The following ZNF76 variants were observed in gnomAD, a reference collection of about 807,000 sequenced individuals.
The protein encoded by ZNF76 is zinc finger protein 76, also known as zinc finger protein 523.
A neutral mutation model predicts 66.9 loss-of-function variants in ZNF76; 66 were observed. The observed-to-expected ratio is 0.99, with a 90% CI of 0.81 to 1.21. The LOEUF (loss-of-function observed/expected upper bound fraction) is 1.21, where lower values mean the gene tolerates loss of function less well. ZNF76 is among the 50% of genes most tolerant of loss of function. The pLI is 0.00. For missense variants in ZNF76, 729 were observed against 760.3 expected (o/e 0.96, Z 0.48); for synonymous variants, 275 against 296.1 (o/e 0.93, Z 0.73).
intron 1 of ZNF76, among the ~76,000 whole-genome samples, chr6:35,261,516 T>C (rs1283854992): frequency 4.5e-5 from 1 of 22,064 alleles, no homozygotes; most frequent in Non-Finnish European, 4.2e-4. Context: ...TATTTTTGTT[T>C]GGTTGGTTGG....
In ZNF76 at chr6:35,292,953, A is replaced by C. The variant is rs1179854847; in HGVS notation, c.1238A>C (p.Glu413Ala). 2 of 1,614,220 alleles carry C rather than the reference A, an allele frequency of 1.2e-6. No homozygotes were observed. The highest frequency in any genetic ancestry group is 3.3e-5 in the Admixed American group (2 of 60,028). Residue 413 changes from glutamate to alanine, a missense_variant, in exon 11 of 14, where the codon GAG (glutamate) becomes GCG (alanine). Glu to Ala is a moderately radical substitution (Grantham distance 107, BLOSUM62 -1). Transcript: ENST00000373953. The surrounding 1 kb of genome is among the most constrained non-coding windows in gnomAD (Gnocchi z 4.7). ...GCTTACCTTTCGGAGGTGAAGGAAG[A>C]GAGAGATGACATCCCAGCCCAGGTG... ...RIAYLSEVKE[E>A]RDDIPAQVAM...
chr6:35,272,664 G>A (rs2150348499), intron 1 of ZNF76, among the ~76,000 whole-genome samples: 1 of 152,276 alleles, frequency 6.6e-6, no homozygotes, highest in South Asian at 2.1e-4. Flanking sequence ...TTTGAGACAG[G>A]GTCTTGCTTT....
At position 35,286,163 on chromosome 6, in the gene ZNF76, G is replaced by A. The variant is rs762342604; in HGVS notation, c.109G>A (p.Glu37Lys). The stretch of plus-strand genomic sequence containing the variant: ...TCTTGAAGGGCAGGTGATCCAGCTC[G>A]AGGATGGGACCACCGCATACATTCA... ...KLLEGQVIQLEDGTTAYIHQV... is the reference protein window; with the variant it reads ...KLLEGQVIQLKDGTTAYIHQV... The change falls in exon 3 of 14, where the codon GAG becomes AAG. Residue 37 changes from glutamate to lysine, a missense_variant. By Grantham distance (56) the Glu-to-Lys change is moderately conservative. Transcript: ENST00000373953. 9.3e-6 allele frequency: 15 copies of A among 1,614,170 alleles called. No homozygotes were observed. Among genetic ancestry groups the A allele is most frequent in the Non-Finnish European group, 1.1e-5 (13 of 1,180,042 alleles).
rs1790789788 is a variant in ZNF76, at chr6:35,293,845, A to G, written c.1424A>G (p.Asp475Gly). Residue 475 changes from aspartate to glycine, a missense_variant, in exon 12 of 14, where the codon GAT (aspartate) becomes GGT (glycine). Asp to Gly is a moderately conservative substitution (Grantham distance 94). Transcript: ENST00000373953. The part of the protein sequence containing the change: ...GSTTLTIPSP[D>G]ADLATSGTHT... ...ACCACCCTCACCATCCCCAGTCCTG[A>G]TGCCGACCTGGCCACATCTGGCACA... The G allele has an allele frequency of 2.5e-6, 4 of 1,614,142 alleles. No individual in the cohort carries two copies. The highest frequency in any genetic ancestry group is 3.4e-6 in the Non-Finnish European group (4 of 1,180,026).
chr6:35,267,206 T>C (rs1015154969), intron 1 of ZNF76, among the ~76,000 whole-genome samples: 1 of 152,060 alleles, frequency 6.6e-6, no homozygotes. Flanking sequence ...CAATCAGTCC[T>C]CCCATGTCAG....
intron 1 of ZNF76, among the ~76,000 whole-genome samples, chr6:35,262,354 A>G (rs2150333184): frequency 6.6e-6 from 1 of 152,330 alleles, no homozygotes; most frequent in East Asian, 1.9e-4. Context: ...AGAGAAAGTG[A>G]GAGTGACCTT....
chr6:35,293,103 G>C, intron 11 of ZNF76, 59 bp downstream of exon 11: 1 of 1,564,180 alleles, frequency 6.4e-7, no homozygotes, highest in Non-Finnish European at 8.6e-7. Flanking sequence ...TCTCTCTGGG[G>C]ACTCTGGGAG....
At chr6:35,261,485 A>G (rs1785247227) in intron 1 of ZNF76, among the ~76,000 whole-genome samples, 1 of 148,144 alleles carries the variant, frequency 6.8e-6, no homozygotes, top group Non-Finnish European at 1.5e-5. Context: ...TTATTATTAT[A>G]TCCACCATTT....
Position 35,267,822 on chromosome 6 carries a change from G to A in ZNF76, c.-97+7981G>A, listed in dbSNP as rs117754893. 7.8e-4 allele frequency among the ~76,000 whole-genome samples: 119 copies of A among 152,320 alleles called. 1 individual carries two copies. In the East Asian group the frequency reaches 0.014, roughly 18 times the overall value. On this transcript the variant is annotated intron_variant, in intron 1 of 13. Transcript: ENST00000373953. ...AAAGATGAGGCAAGATGGTAATCCC[G>A]ATGAGGGAAAAGTCATCCACTTAGC...
At chr6:35,275,967 T>A (rs988812128) in intron 1 of ZNF76, among the ~76,000 whole-genome samples, 2 of 152,158 alleles carry the variant, frequency 1.3e-5, no homozygotes. Flanking sequence ...GCGCCAGATA[T>A]TGAGAAGTAT....
At position 35,292,470 on chromosome 6, in the gene ZNF76, C is replaced by T. The variant is rs1454583249; in HGVS notation, c.932-84C>T. 6.8e-7 allele frequency: 1 copy of T among 1,460,602 alleles called. No homozygotes were observed. The highest frequency in any genetic ancestry group is 9.5e-7 in the Non-Finnish European group (1 of 1,055,394). 90.5% of individuals were successfully genotyped at this position (1,460,602 alleles called of 1,614,324 possible). On this transcript the variant is annotated intron_variant, in intron 9 of 13. Transcript: ENST00000373953. This position sits in a 1 kb window ranked among gnomAD's most constrained non-coding sequence, Gnocchi z 4.7. Reference sequence around the variant, plus strand: ...CTCCCTCCCTCTGGCTCTCCCTTCACCAACCCTGTCCCTCACCCCTGTCCC... The same window carrying T: ...CTCCCTCCCTCTGGCTCTCCCTTCATCAACCCTGTCCCTCACCCCTGTCCC...
At chr6:35,273,074 TGAACCCAG>T (rs1324728990) in intron 1 of ZNF76, among the ~76,000 whole-genome samples, 1 of 151,668 alleles carries the variant, frequency 6.6e-6, no homozygotes, top group Non-Finnish European at 1.5e-5. Flanking sequence ...GAGAATCGCT[TGAACCCAG>T]GAAGTGGAGG....
intron 1 of ZNF76, among the ~76,000 whole-genome samples, chr6:35,268,690 C>G (rs941656735): frequency 2.6e-5 from 4 of 151,146 alleles, no homozygotes; most frequent in African/African-American, 9.7e-5. Context: ...TTGCTTGAAC[C>G]AGGACCCAGG....
intron 1 of ZNF76, among the ~76,000 whole-genome samples, chr6:35,276,988 G>A (rs1235237219): frequency 6.7e-6 from 1 of 149,756 alleles, no homozygotes; most frequent in Non-Finnish European, 1.5e-5. Flanking sequence ...TAGCAGAGGC[G>A]GGGTTTCACC....
intron 12 of ZNF76, 57 bp downstream of exon 12, chr6:35,293,972 G>A (rs1160730490): frequency 1.0e-5 from 16 of 1,590,136 alleles, no homozygotes; most frequent in Admixed American, 3.4e-5. Flanking sequence ...TCCATGGGGC[G>A]GGCATTAAAG....
Position 35,294,532 on chromosome 6 carries a change from T to A in ZNF76, c.1571T>A (p.Leu524Gln), listed in dbSNP as rs774069952. 1 of 1,614,076 alleles carries A rather than the reference T, an allele frequency of 6.2e-7. No homozygotes were observed. The highest frequency in any genetic ancestry group is 8.5e-7 in the Non-Finnish European group (1 of 1,179,958). The part of the protein sequence containing the change: ...VASLRHQQVA[L>Q]LATANGTHIA... ...TCTCTTCGTCATCAACAGGTGGCACTGTTGGCCACAGCCAACGGAACGCAC... is the reference window on the plus strand; with the variant it reads ...TCTCTTCGTCATCAACAGGTGGCACAGTTGGCCACAGCCAACGGAACGCAC... Residue 524 changes from leucine to glutamine, a missense_variant, in exon 13 of 14, where the codon CTG (leucine) becomes CAG (glutamine). Coordinates refer to ENST00000373953, the MANE Select transcript of ZNF76 (RefSeq NM_003427.5).
At chr6:35,273,653 T>A (rs1238128872) in intron 1 of ZNF76, among the ~76,000 whole-genome samples, 1 of 149,598 alleles carries the variant, frequency 6.7e-6, no homozygotes, top group African/African-American at 2.5e-5. Context: ...TGGTGGTGCA[T>A]GCCTGTAATC....
intron 7 of ZNF76, 167 bp downstream of exon 7, chr6:35,290,883 C>T (rs1033109826): frequency 1.9e-5 from 13 of 677,518 alleles, no homozygotes; most frequent in Non-Finnish European, 3.0e-5. Flanking sequence ...TACGGGAGTG[C>T]AAGGCAGCAT....
At chr6:35,291,982 A>C in intron 9 of ZNF76, 3 of 552,154 alleles carry the variant, frequency 5.4e-6, no homozygotes, top group South Asian at 2.2e-5. Flanking sequence ...GCTCCCTACC[A>C]CCCCTCTACA....
Sources: gnomAD v4.1 joint callset for allele counts (sites outside exome capture counted in the v4.1 genomes callset) on GRCh38, gnomAD v4.1.1 for gene constraint, Gnocchi (gnomAD v3.1) non-coding constraint, MANE v1.5 for transcripts, NCBI Gene and HGNC (gene_info 2026-07-23, HGNC 2026-07-21) for gene names.